Variants in SHISA6 observed in about 807,000 individuals in gnomAD.
SHISA6 encodes protein shisa-6.
SHISA6 carries 22 observed loss-of-function variants against 47.9 expected under a neutral mutation model. That is an observed-to-expected ratio of 0.46 (90% CI 0.33 to 0.66). The LOEUF (loss-of-function observed/expected upper bound fraction) is 0.66, where lower values mean the gene tolerates loss of function less well. Among genes scored for constraint, SHISA6 ranks in the 30% least tolerant of loss-of-function variants. The pLI, the probability that SHISA6 is intolerant of heterozygous loss-of-function variation, is 0.02. For missense variants in SHISA6, 680 were observed against 764.6 expected (o/e 0.89, Z 1.30); for synonymous variants, 388 against 337.8 (o/e 1.15, Z -1.63).
intron 2 of SHISA6, among the ~76,000 whole-genome samples, chr17:11,308,315 C>A (rs1311226492): frequency 6.6e-6 from 1 of 152,210 alleles, no homozygotes; most frequent in Non-Finnish European, 1.5e-5. Context: ...TGCCAGAATT[C>A]CATCAGGGTG....
intron 3 of SHISA6, among the ~76,000 whole-genome samples, chr17:11,472,100 C>T (rs1314462690): frequency 3.9e-5 from 6 of 152,106 alleles, no homozygotes; most frequent in South Asian, 2.1e-4. Context: ...GTTCATCCCC[C>T]GTTTTCCCCT....
intron 2 of SHISA6, among the ~76,000 whole-genome samples, chr17:11,282,280 G>C (rs1442521826): frequency 1.3e-5 from 2 of 152,160 alleles, no homozygotes; most frequent in African/African-American, 2.4e-5. Context: ...TTGTTGCCCA[G>C]ATTTTTAACA....
chr17:11,381,876 A>T (rs915402491), intron 3 of SHISA6, among the ~76,000 whole-genome samples: 2 of 151,746 alleles, frequency 1.3e-5, no homozygotes, highest in African/African-American at 4.8e-5. Flanking sequence ...CTCCCCATTC[A>T]CTATTTGTGC....
chr17:11,458,135 A>C (rs537705826), intron 3 of SHISA6, among the ~76,000 whole-genome samples: 64 of 151,964 alleles, frequency 4.2e-4, no homozygotes, highest in African/African-American at 1.5e-3. Flanking sequence ...TCTTACACTT[A>C]CCATGTGTTA....
intron 3 of SHISA6, among the ~76,000 whole-genome samples, chr17:11,536,182 C>T (rs2142375444): frequency 6.6e-6 from 1 of 152,210 alleles, no homozygotes; most frequent in Non-Finnish European, 1.5e-5. Flanking sequence ...TAAACACAGA[C>T]CTAGATCACA....
intron 4 of SHISA6, among the ~76,000 whole-genome samples, chr17:11,555,306 C>T (rs1370895284): frequency 6.6e-6 from 1 of 151,882 alleles, no homozygotes; most frequent in Admixed American, 6.5e-5. Flanking sequence ...TAACATAAGT[C>T]ACTCCATGTC....
intron 1 of SHISA6, among the ~76,000 whole-genome samples, chr17:11,259,945 C>A (rs1908163325): frequency 6.6e-6 from 1 of 152,142 alleles, no homozygotes; most frequent in South Asian, 2.1e-4. Flanking sequence ...TTAGCCTGAA[C>A]CTCAGTTCCT....
intron 2 of SHISA6, among the ~76,000 whole-genome samples, chr17:11,341,886 T>A (rs1351436917): frequency 6.6e-6 from 1 of 152,164 alleles, no homozygotes; most frequent in African/African-American, 2.4e-5. Flanking sequence ...CTGATTAATT[T>A]TACACAGTTT....
At chr17:11,356,377 G>T (rs1912079644) in intron 2 of SHISA6, among the ~76,000 whole-genome samples, 1 of 152,140 alleles carries the variant, frequency 6.6e-6, no homozygotes, top group Non-Finnish European at 1.5e-5. Flanking sequence ...TCTCTCACTT[G>T]CATGAAACCA....
At chr17:11,339,494 A>T (rs1911452400) in intron 2 of SHISA6, among the ~76,000 whole-genome samples, 1 of 152,168 alleles carries the variant, frequency 6.6e-6, no homozygotes, top group South Asian at 2.1e-4. Flanking sequence ...TTGCATATAG[A>T]ATAACAAGAA....
At chr17:11,332,656 A>T (rs113936413) in intron 2 of SHISA6, among the ~76,000 whole-genome samples, 146 of 152,244 alleles carry the variant, frequency 9.6e-4, no homozygotes, top group African/African-American at 3.4e-3. Flanking sequence ...ACTAGGCTCC[A>T]TGGAAATTCA....
chr17:11,241,515 C>A lies in SHISA6; in HGVS notation c.93C>A (p.Ala31=). Residue 31 remains alanine (A), a synonymous_variant, in exon 1 of 6, where the codon GCC becomes GCA. Coordinates refer to ENST00000441885, the MANE Select transcript of SHISA6 (RefSeq NM_207386.4). This position sits in a 1 kb window ranked among gnomAD's most constrained non-coding sequence, Gnocchi z 5.5. ...TCCACGGAGCCCGCGGCCGCGCCGC[C>A]AACCGGACCCTGAGTGCAGGCGGCG... The part of the protein sequence containing the change: ...PSVHGARGRA[A]NRTLSAGGAA... 1 of 1,140,936 alleles carries A rather than the reference C, an allele frequency of 8.8e-7. No individual in the cohort carries two copies. Among genetic ancestry groups the A allele is most frequent in the Admixed American group, 4.6e-5 (1 of 21,688 alleles). The allele number at this position is 1,140,936 out of a possible 1,614,324, so 70.7% of individuals were successfully genotyped here.
At chr17:11,331,859 C>T (rs1911128828) in intron 2 of SHISA6, among the ~76,000 whole-genome samples, 1 of 152,076 alleles carries the variant, frequency 6.6e-6, no homozygotes, top group Non-Finnish European at 1.5e-5. Flanking sequence ...TGGGTCTCCT[C>T]CCTCTGACCC....
chr17:11,334,930 T>G, intron 2 of SHISA6, among the ~76,000 whole-genome samples: 1 of 152,204 alleles, frequency 6.6e-6, no homozygotes, highest in East Asian at 1.9e-4. Flanking sequence ...TGCCAGGCAC[T>G]TCTGGCTTGC....
intron 2 of SHISA6, among the ~76,000 whole-genome samples, chr17:11,327,478 T>C (rs1335060932): frequency 2.6e-5 from 4 of 152,224 alleles, no homozygotes; most frequent in East Asian, 3.8e-4. Flanking sequence ...CTATCTACTT[T>C]ATTGGTAAAA....
At chr17:11,533,353 A>C (rs1405478084) in intron 3 of SHISA6, among the ~76,000 whole-genome samples, 2 of 152,098 alleles carry the variant, frequency 1.3e-5, no homozygotes, top group Admixed American at 1.3e-4. Context: ...TTTCAGGATA[A>C]AGTCAAAGTC....
chr17:11,487,323 G>A (rs1490119060), intron 3 of SHISA6, among the ~76,000 whole-genome samples: 2 of 152,166 alleles, frequency 1.3e-5, no homozygotes, highest in Non-Finnish European at 1.5e-5. Flanking sequence ...CACTGAATGC[G>A]CCACCTAAAG....
intron 2 of SHISA6, among the ~76,000 whole-genome samples, chr17:11,329,838 T>C (rs891460284): frequency 3.9e-5 from 6 of 152,114 alleles, no homozygotes; most frequent in African/African-American, 1.4e-4. Flanking sequence ...CATTGACTCA[T>C]TGTGTGTAAT....
At chr17:11,452,541 G>T (rs555705224) in intron 3 of SHISA6, among the ~76,000 whole-genome samples, 2 of 152,258 alleles carry the variant, frequency 1.3e-5, no homozygotes, top group African/African-American at 2.4e-5. Context: ...AAAATCCCAT[G>T]AGCAAATGAG....
Sources: allele counts gnomAD v4.1 joint callset (sites outside exome capture counted in the v4.1 genomes callset), GRCh38; gene constraint gnomAD v4.1.1; non-coding constraint Gnocchi (gnomAD v3.1); transcripts MANE v1.5; gene names NCBI Gene and HGNC (gene_info 2026-07-23, HGNC 2026-07-21).